COL27A1: variants seen among roughly 807,000 people sequenced by gnomAD.
COL27A1 encodes collagen alpha-1(XXVII) chain.
In COL27A1, 106 loss-of-function variants were observed where a neutral mutation model predicts 251.3. The ratio of observed to expected loss-of-function variants is 0.42; its 90% CI spans 0.36 to 0.50. The LOEUF is 0.50. COL27A1 is among the 20% of genes least tolerant of loss of function. COL27A1 has a pLI of 0.00. For missense variants in COL27A1, 2,325 were observed against 2,522.8 expected (o/e 0.92, Z 1.68); for synonymous variants, 1,000 against 986.3 (o/e 1.01, Z -0.26).
At chr9:114,236,824 T>C (rs1832433049) in intron 17 of COL27A1, among the ~76,000 whole-genome samples, 157 bp from the exon 18 acceptor site, 1 of 152,120 alleles carries the variant, frequency 6.6e-6, no homozygotes, top group African/African-American at 2.4e-5. Context: ...GCAGGTGTGA[T>C]CCAAGCCAGA....
chr9:114,240,225 C>T lies in COL27A1; in HGVS notation c.2733C>T (p.Phe911=). The change falls in exon 20 of 61, where the codon TTC becomes TTT. Residue 911 remains phenylalanine, a synonymous_variant. Coordinates refer to ENST00000356083, the MANE Select transcript of COL27A1 (RefSeq NM_032888.4). ...GFPGPPGPEG[F]PGDIGPPGDN... is the part of the protein sequence containing the mutation. ...TGCTCTCTGCTTCCCCTCAGGGATT[C>T]CCAGGAGACATCGGCCCCCCTGGCG... The T allele has an allele frequency of 6.2e-7, 1 of 1,612,436 alleles. No individual in the cohort carries two copies. Among genetic ancestry groups the T allele is most frequent in the Non-Finnish European group, 8.5e-7 (1 of 1,179,042 alleles).
intron 27 of COL27A1, among the ~76,000 whole-genome samples, chr9:114,256,578 G>A (rs1833937175): frequency 6.6e-6 from 1 of 152,110 alleles, no homozygotes; most frequent in South Asian, 2.1e-4. Context: ...CCTGCCTAGG[G>A]TCACCCAGTG....
chr9:114,283,158 G>A (rs1445691221), intron 39 of COL27A1, among the ~76,000 whole-genome samples: 1 of 152,220 alleles, frequency 6.6e-6, no homozygotes, highest in Non-Finnish European at 1.5e-5. Context: ...GTATTTGCCA[G>A]TTTCTGCGGT....
intron 24 of COL27A1, among the ~76,000 whole-genome samples, chr9:114,247,539 C>T (rs776744654): frequency 1.3e-5 from 2 of 152,200 alleles, no homozygotes; most frequent in Non-Finnish European, 1.5e-5. Flanking sequence ...AGGAGAAGCA[C>T]GTTTGACCAA....
At chr9:114,298,987 C>T (rs531198776) in intron 49 of COL27A1, among the ~76,000 whole-genome samples, 1 of 152,134 alleles carries the variant, frequency 6.6e-6, no homozygotes, top group South Asian at 2.1e-4. Flanking sequence ...ACATTTTTTC[C>T]AAAGGAGATA....
rs78247647 is a variant in COL27A1 at position 114,176,070 on chromosome 9, C to T, written c.1909-2221C>T. On this transcript the variant is annotated intron_variant, in intron 3 of 60. Coordinates refer to ENST00000356083, the MANE Select transcript of COL27A1 (RefSeq NM_032888.4). The stretch of plus-strand genomic sequence containing the variant: ...GCTGCCCAGGGTAGGAGAACAGGTC[C>T]AGTGGTCCTGGGTTTGAATCCAGGC... Among the ~76,000 whole-genome samples the T allele has an allele frequency of 6.9e-4, 105 of 152,294 alleles. 1 individual carries two copies. In the East Asian group the frequency reaches 0.019, roughly 28 times the overall value.
At chr9:114,208,013 G>T (rs1223856014) in intron 10 of COL27A1, among the ~76,000 whole-genome samples, 1 of 152,200 alleles carries the variant, frequency 6.6e-6, no homozygotes, top group East Asian at 1.9e-4. Context: ...GTGGTTAGGA[G>T]CCCAGGCCCA....
intron 14 of COL27A1, among the ~76,000 whole-genome samples, chr9:114,226,682 G>A (rs951608916): frequency 6.6e-6 from 1 of 152,254 alleles, no homozygotes; most frequent in African/African-American, 2.4e-5. Context: ...GCCTGGCATT[G>A]TTGGCCTTCA....
chr9:114,308,856 T>C (rs1829245425), intron 59 of COL27A1, among the ~76,000 whole-genome samples: 1 of 152,218 alleles, frequency 6.6e-6, no homozygotes, highest in African/African-American at 2.4e-5. Flanking sequence ...CACAGGGATC[T>C]TGGGACTTAG....
intron 58 of COL27A1, 134 bp from the exon 59 acceptor site, chr9:114,307,535 T>C: frequency 1.5e-6 from 1 of 685,556 alleles, no homozygotes; most frequent in East Asian, 2.6e-5. Context: ...AGGAATCCCT[T>C]TTCTGCTCAC....
chr9:114,270,556 C>T (rs1835072007), intron 35 of COL27A1, among the ~76,000 whole-genome samples, 172 bp from the exon 36 acceptor site: 1 of 152,226 alleles, frequency 6.6e-6, no homozygotes, highest in South Asian at 2.1e-4. Context: ...TGTTCATTTG[C>T]TAACTCAGCC....
At chr9:114,171,970 C>T (rs2135106009) in intron 3 of COL27A1, among the ~76,000 whole-genome samples, 1 of 152,262 alleles carries the variant, frequency 6.6e-6, no homozygotes, top group South Asian at 2.1e-4. Flanking sequence ...AGCTGGGATG[C>T]AACTTGTGGT....
chr9:114,241,510 G>C (rs1017514942), intron 21 of COL27A1, among the ~76,000 whole-genome samples: 10 of 152,242 alleles, frequency 6.6e-5, no homozygotes, highest in East Asian at 1.9e-4. Flanking sequence ...CTGAGCCTGT[G>C]GGGGTGGGGA....
At chr9:114,256,711 A>G (rs1258412805) in intron 27 of COL27A1, among the ~76,000 whole-genome samples, 1 of 152,190 alleles carries the variant, frequency 6.6e-6, no homozygotes, top group Non-Finnish European at 1.5e-5. Flanking sequence ...GGACTCTTCT[A>G]TCCCCATGTT....
At chr9:114,204,558 C>G (rs1207449831) in intron 7 of COL27A1, among the ~76,000 whole-genome samples, 1 of 152,118 alleles carries the variant, frequency 6.6e-6, no homozygotes, top group Non-Finnish European at 1.5e-5. Context: ...GGAATAGGAG[C>G]TGGGGCCGGT....
chr9:114,160,605 A>G (rs1848434331), intron 1 of COL27A1, among the ~76,000 whole-genome samples: 1 of 147,842 alleles, frequency 6.8e-6, no homozygotes, highest in South Asian at 2.2e-4. Context: ...CGGGAGGCTG[A>G]GGTGGGAGGA....
Position 114,194,424 on chromosome 9 carries a change from G to A in COL27A1, c.2037G>A (p.Gly679=). ...TTCAGGGACAGAAAGGGGACCCAGG[G>A]CTCTCACCAGGAAAGGCCCACGATG... ...PGAKGQKGDP[G]LSPGKAHDGA... Residue 679 remains glycine, a synonymous_variant, in exon 6 of 61, where the codon GGG becomes GGA. Coordinates refer to ENST00000356083, the MANE Select transcript of COL27A1 (RefSeq NM_032888.4). 1 of 1,613,136 alleles carries A rather than the reference G, an allele frequency of 6.2e-7. No homozygotes were observed.
intron 27 of COL27A1, among the ~76,000 whole-genome samples, chr9:114,257,624 G>A (rs1276683086): frequency 1.3e-5 from 2 of 152,088 alleles, no homozygotes; most frequent in African/African-American, 2.4e-5. Context: ...CCGGGGCTGG[G>A]CCTTGCTCCC....
At chr9:114,245,156 T>TTG (rs1564517268) in intron 23 of COL27A1, among the ~76,000 whole-genome samples, 1 of 139,388 alleles carries the variant, frequency 7.2e-6, no homozygotes, top group African/African-American at 2.7e-5. Flanking sequence ...TTGTTTTTTT[T>TTG]TTTTTTTTTT....
Sources: gnomAD v4.1 joint callset for allele counts (sites outside exome capture counted in the v4.1 genomes callset) on GRCh38, gnomAD v4.1.1 for gene constraint, MANE v1.5 for transcripts, NCBI Gene and HGNC (gene_info 2026-07-23, HGNC 2026-07-21) for gene names.